Variants in RNF6 observed in about 807,000 individuals in gnomAD.
RNF6 encodes the protein ring finger protein 6.
A neutral mutation model predicts 50.1 loss-of-function variants in RNF6; 21 were observed. The ratio of observed to expected loss-of-function variants is 0.42; its 90% CI spans 0.30 to 0.60. The LOEUF is 0.60. RNF6 is among the 20% of genes least tolerant of loss of function. The pLI, the probability that RNF6 is intolerant of heterozygous loss-of-function variation, is 0.20. For missense variants in RNF6, 698 were observed against 838.2 expected (o/e 0.83, Z 2.07); for synonymous variants, 255 against 291.8 (o/e 0.87, Z 1.29).
chr13:26,223,058 G>A (rs1029647550), upstream of RNF6, among the ~76,000 whole-genome samples: 2 of 152,112 alleles, frequency 1.3e-5, no homozygotes, highest in African/African-American at 4.8e-5. Flanking sequence ...GTCTAACCTG[G>A]TATAGTCCCC....
At chr13:26,218,339 G>GTCCTATACTGCTTAACCATACTGCTTTAC (rs1223576473) in intron 4 of RNF6, among the ~76,000 whole-genome samples, 172 bp downstream of exon 4, 1 of 152,132 alleles carries the variant, frequency 6.6e-6, no homozygotes, top group Non-Finnish European at 1.5e-5. Flanking sequence ...TCATTCCTCT[G>GTCCTATACTGCTTAACCATACTGCTTTAC]TCCTATACTG....
chr13:26,202,327 C>A (rs564417417), intron 5 of RNF6, among the ~76,000 whole-genome samples: 6 of 152,194 alleles, frequency 3.9e-5, no homozygotes, highest in Admixed American at 1.3e-4. Context: ...AGTTATTATT[C>A]TTAGCATTTC....
intron 5 of RNF6, among the ~76,000 whole-genome samples, chr13:26,189,405 C>A (rs9578975): frequency 0.48 from 72,667 of 152,016 alleles, 20,474 homozygotes; most frequent in East Asian, 0.7. Flanking sequence ...AATCAAATAA[C>A]AGGCTTAGTG....
At chr13:26,218,074 T>C (rs1159070226) in intron 4 of RNF6, among the ~76,000 whole-genome samples, 2 of 152,238 alleles carry the variant, frequency 1.3e-5, no homozygotes, top group East Asian at 3.8e-4. Flanking sequence ...TTTGAAGTTC[T>C]TTTATAGTAC....
intron 2 of RNF6, among the ~76,000 whole-genome samples, chr13:26,219,926 G>A: frequency 6.6e-6 from 1 of 152,174 alleles, no homozygotes; most frequent in Non-Finnish European, 1.5e-5. Context: ...GCTCATGCCT[G>A]AATACCATAG....
At chr13:26,205,925 C>T (rs924808409) in intron 5 of RNF6, among the ~76,000 whole-genome samples, 2 of 152,154 alleles carry the variant, frequency 1.3e-5, no homozygotes, top group Non-Finnish European at 2.9e-5. Context: ...GTGAGAGGAT[C>T]ACCTGAGCCC....
chr13:26,181,377 G>T (rs301060), intron 5 of RNF6, among the ~76,000 whole-genome samples: 102,784 of 152,150 alleles, frequency 0.68, 35,382 homozygotes, highest in African/African-American at 0.8. Context: ...TCTTGTCCTT[G>T]AAGAATCTAG....
At chr13:26,170,429 T>A (rs1872643962) in intron 5 of RNF6, among the ~76,000 whole-genome samples, 1 of 152,200 alleles carries the variant, frequency 6.6e-6, no homozygotes. Context: ...GTGAAGGAAT[T>A]TTCCTGCCAT....
chr13:26,138,111 GCTACT>G (rs1426056212), intron 5 of RNF6, among the ~76,000 whole-genome samples: 1 of 152,116 alleles, frequency 6.6e-6, no homozygotes, highest in African/African-American at 2.4e-5. Flanking sequence ...CAAGAAAGAA[GCTACT>G]AATCACATCT....
chr13:26,179,743 AGAGGCAGAG>A (rs1178037180), intron 5 of RNF6, among the ~76,000 whole-genome samples: 1 of 152,186 alleles, frequency 6.6e-6, no homozygotes, highest in Non-Finnish European at 1.5e-5. Flanking sequence ...CCTTGGATCC[AGAGGCAGAG>A]GTTTGTCTCT....
intron 5 of RNF6, among the ~76,000 whole-genome samples, chr13:26,205,208 T>C (rs941093599): frequency 1.0e-5 from 1 of 97,614 alleles, no homozygotes; most frequent in Non-Finnish European, 2.5e-5. Flanking sequence ...AATAAGTACA[T>C]GGAGTACTTG....
chr13:26,148,863 C>T (rs553787540), intron 5 of RNF6, among the ~76,000 whole-genome samples: 1 of 151,352 alleles, frequency 6.6e-6, no homozygotes, highest in South Asian at 2.1e-4. Context: ...CAGGGAAAAC[C>T]AATGCTTCTG....
chr13:26,163,188 T>C (rs1488082412), intron 5 of RNF6, among the ~76,000 whole-genome samples: 1 of 152,108 alleles, frequency 6.6e-6, no homozygotes, highest in Non-Finnish European at 1.5e-5. Context: ...GGCGGGTGCC[T>C]GTAGTCCCAG....
chr13:26,185,710 C>A (rs765650109), intron 5 of RNF6, among the ~76,000 whole-genome samples: 1 of 152,204 alleles, frequency 6.6e-6, no homozygotes, highest in Non-Finnish European at 1.5e-5. Context: ...CGTGCCACTG[C>A]ACTCCAGCCT....
intron 5 of RNF6, among the ~76,000 whole-genome samples, chr13:26,134,481 T>A (rs188738143): frequency 7.2e-5 from 10 of 139,410 alleles, no homozygotes; most frequent in Admixed American, 6.4e-4. Context: ...TTGTTTTTTG[T>A]TTTTTTTTGG....
intron 5 of RNF6, among the ~76,000 whole-genome samples, chr13:26,155,603 C>G (rs1177506315): frequency 6.6e-6 from 1 of 152,192 alleles, no homozygotes; most frequent in Non-Finnish European, 1.5e-5. Context: ...GTCCCTGATT[C>G]TGCCTCTGAA....
At position 26,186,832 on chromosome 13, in the gene RNF6, T is replaced by C. The variant is rs369736436; in HGVS notation, n.768+28642A>G. ...TCGTTCTGTCGCCCAGGCTGGAGTG[T>C]AGTGGCGCGATCTCGGCTCACTGCA... On this transcript the variant is annotated intron_variant and non_coding_transcript_variant, in intron 5 of 5. Transcript: ENST00000468480. Among the ~76,000 whole-genome samples, 36 of 151,330 alleles carry C rather than the reference T, an allele frequency of 2.4e-4. 1 individual carries two copies. Among genetic ancestry groups the C allele is most frequent in the African/African-American group, 7.0e-4 (29 of 41,250 alleles).
At chr13:26,144,795 A>G (rs1193202833) in intron 5 of RNF6, 1 of 152,246 alleles carries the variant, frequency 6.6e-6, no homozygotes, top group African/African-American at 2.4e-5. Context: ...GTGTAGCAAG[A>G]GTGGGGACCA....
intron 5 of RNF6, among the ~76,000 whole-genome samples, chr13:26,205,940 G>A (rs1869088336): frequency 6.6e-6 from 1 of 152,200 alleles, no homozygotes; most frequent in South Asian, 2.1e-4. Flanking sequence ...GAGCCCAGGA[G>A]GTTGAGGCTA....
Sources: allele counts gnomAD v4.1 joint callset (sites outside exome capture counted in the v4.1 genomes callset), GRCh38; gene constraint gnomAD v4.1.1; transcripts MANE v1.5; gene names NCBI Gene and HGNC (gene_info 2026-07-23, HGNC 2026-07-21).